The following CCDC150 variants were observed in gnomAD, a reference collection of about 807,000 sequenced individuals.
CCDC150 encodes the protein coiled-coil domain containing 150.
CCDC150 carries 151 observed loss-of-function variants against 156.5 expected under a neutral mutation model. The ratio of observed to expected loss-of-function variants is 0.97; its 90% CI spans 0.85 to 1.10. The LOEUF (loss-of-function observed/expected upper bound fraction) is 1.10, where lower values mean the gene tolerates loss of function less well. Ranked by LOEUF, CCDC150 falls within the 50% of genes least tolerant of loss-of-function variation. The pLI is 0.00. For synonymous variants in CCDC150, 452 were observed against 429.4 expected (o/e 1.05, Z -0.65); for missense variants, 1,312 against 1,268.1 (o/e 1.03, Z -0.53).
rs548991866 is a variant in CCDC150 at position 196,692,176 on chromosome 2, G to A, written c.1510-2870G>A. ...GGAGTCTCGCTCTGTCGCCCAGGCCGGACTGCGGACTGCAGTGGCGCAATC... is the reference window on the plus strand; with the variant it reads ...GGAGTCTCGCTCTGTCGCCCAGGCCAGACTGCGGACTGCAGTGGCGCAATC... On this transcript the variant is annotated intron_variant, in intron 13 of 27. Transcript: ENST00000389175. Among the ~76,000 whole-genome samples the A allele has an allele frequency of 6.7e-4, 97 of 143,884 alleles. 2 individuals are homozygous for A. The highest frequency in any genetic ancestry group is 2.4e-3 in the Admixed American group (34 of 14,434). The allele number at this position is 143,884 out of a possible 152,430, so 94.4% of individuals were successfully genotyped here. A position where few individuals can be genotyped will look rare whatever the true frequency, so the allele number is the denominator to read the frequency against.
chr2:196,720,206 C>T (rs1256698501), intron 19 of CCDC150: 1 of 355,544 alleles, frequency 2.8e-6, no homozygotes, highest in Non-Finnish European at 5.7e-6. Flanking sequence ...TTTAATAGGG[C>T]ATATTGCCTC....
intron 15 of CCDC150, among the ~76,000 whole-genome samples, chr2:196,703,923 T>C (rs972359244): frequency 3.3e-5 from 5 of 152,342 alleles, no homozygotes; most frequent in African/African-American, 1.2e-4. Flanking sequence ...AGAAACACTT[T>C]TTGAACTATT....
chr2:196,653,663 T>C (rs1362274080), intron 2 of CCDC150, among the ~76,000 whole-genome samples: 1 of 152,220 alleles, frequency 6.6e-6, no homozygotes, highest in Non-Finnish European at 1.5e-5. Flanking sequence ...AGTTCCACTT[T>C]CCCTCGTTTT....
At chr2:196,689,221 G>C (rs953833673) in intron 13 of CCDC150, among the ~76,000 whole-genome samples, 1 of 152,096 alleles carries the variant, frequency 6.6e-6, no homozygotes, top group East Asian at 1.9e-4. Context: ...TTGACTTGGC[G>C]ATGTGGGCTC....
chr2:196,710,801 T>C (rs1697057934), intron 15 of CCDC150, among the ~76,000 whole-genome samples: 1 of 152,196 alleles, frequency 6.6e-6, no homozygotes, highest in African/African-American at 2.4e-5. Context: ...GCAAAATAGT[T>C]AACTGTAGGA....
chr2:196,712,407 A>C, intron 16 of CCDC150, 155 bp downstream of exon 16: 1 of 572,758 alleles, frequency 1.7e-6, no homozygotes, highest in Non-Finnish European at 3.1e-6. Flanking sequence ...CACCTAGTAC[A>C]TACAAGGTTC....
intron 2 of CCDC150, among the ~76,000 whole-genome samples, chr2:196,652,109 A>T (rs1692913480): frequency 1.3e-5 from 2 of 152,188 alleles, no homozygotes; most frequent in African/African-American, 4.8e-5. Flanking sequence ...TGGAGATCAC[A>T]TTTCAACATG....
At chr2:196,640,468 T>C (rs1353296010) in intron 1 of CCDC150, among the ~76,000 whole-genome samples, 1 of 152,204 alleles carries the variant, frequency 6.6e-6, no homozygotes, top group Non-Finnish European at 1.5e-5. Flanking sequence ...TTTCTTGAGC[T>C]CTTCAGAAAT....
intron 4 of CCDC150, among the ~76,000 whole-genome samples, chr2:196,657,969 G>A (rs1167411604): frequency 6.6e-6 from 1 of 152,110 alleles, no homozygotes; most frequent in Non-Finnish European, 1.5e-5. Flanking sequence ...ATTTGTTTGT[G>A]GGAAATAAGT....
In CCDC150 at chr2:196,730,840, C is replaced by G; in HGVS notation, c.2983-19C>G. ...TGGTATGTTGGAAGTTTATAAAAATCTTTGTATCACATTTTCAGGAATTGG... is the reference window on the plus strand; with the variant it reads ...TGGTATGTTGGAAGTTTATAAAAATGTTTGTATCACATTTTCAGGAATTGG... On this transcript the variant is annotated intron_variant, in intron 25 of 27. Transcript: ENST00000389175. 6.4e-7 allele frequency: 1 copy of G among 1,557,746 alleles called. No homozygotes were observed. Among genetic ancestry groups the G allele is most frequent in the African/African-American group, 1.4e-5 (1 of 73,650 alleles).
intron 13 of CCDC150, among the ~76,000 whole-genome samples, chr2:196,682,380 G>T (rs552607181): frequency 4.6e-5 from 7 of 151,640 alleles, no homozygotes; most frequent in African/African-American, 1.7e-4. Context: ...AAGTTTTGAC[G>T]TCTAAATGTG....
chr2:196,706,543 T>C (rs1300496169), intron 15 of CCDC150, among the ~76,000 whole-genome samples: 2 of 152,236 alleles, frequency 1.3e-5, no homozygotes, highest in Admixed American at 6.5e-5. Context: ...GAACTTACAA[T>C]ACTATGTTGA....
At position 196,702,343 on chromosome 2, in the gene CCDC150, C is replaced by CTGTGTGTGTGTGTGTG. The variant is rs3220631; in HGVS notation, c.1695+1182_1695+1197dup. On this transcript the variant is annotated intron_variant, in intron 15 of 27. Coordinates refer to ENST00000389175, the MANE Select transcript of CCDC150 (RefSeq NM_001080539.2). ...AGGGGATAGTTCCTTGACTGAAGTG[C>CTGTGTGTGTGTGTGTG]TGTGTGTGTGTGTGTGTGTGTGTGT... Among the ~76,000 whole-genome samples, 445 of 143,774 alleles carry CTGTGTGTGTGTGTGTG rather than the reference C, an allele frequency of 3.1e-3. 1 individual carries two copies. The highest frequency in any genetic ancestry group is 4.7e-3 in the East Asian group (22 of 4,664). The allele number at this position is 143,774 out of a possible 152,430, so 94.3% of individuals were successfully genotyped here.
intron 13 of CCDC150, among the ~76,000 whole-genome samples, chr2:196,688,061 G>A (rs538802859): frequency 1.1e-4 from 17 of 152,174 alleles, no homozygotes; most frequent in African/African-American, 4.1e-4. Context: ...TGTTCTTTTT[G>A]CTTAGGATTT....
chr2:196,649,277 T>G (rs1692736574), intron 2 of CCDC150, among the ~76,000 whole-genome samples: 1 of 152,206 alleles, frequency 6.6e-6, no homozygotes, highest in Non-Finnish European at 1.5e-5. Flanking sequence ...CTGGGATATC[T>G]TTCAGTTTAC....
chr2:196,684,906 C>T (rs115203700), intron 13 of CCDC150, among the ~76,000 whole-genome samples: 2,367 of 152,002 alleles, frequency 0.016, 34 homozygotes, highest in Middle Eastern at 0.048. Context: ...TATTTTTCAT[C>T]CTTTTGCTTT....
At chr2:196,716,217 G>T (rs1040994918) in intron 17 of CCDC150, among the ~76,000 whole-genome samples, 2 of 152,142 alleles carry the variant, frequency 1.3e-5, no homozygotes, top group Non-Finnish European at 2.9e-5. Context: ...CTTTAAAAGC[G>T]AAACATACTA....
intron 1 of CCDC150, among the ~76,000 whole-genome samples, chr2:196,641,440 T>A (rs1282506173): frequency 6.6e-6 from 1 of 152,220 alleles, no homozygotes; most frequent in East Asian, 1.9e-4. Flanking sequence ...CTTTCTGCCC[T>A]CTGATATCTA....
intron 12 of CCDC150, 61 bp downstream of exon 12, chr2:196,676,792 A>T (rs1461573181): frequency 1.4e-6 from 2 of 1,392,172 alleles, no homozygotes; most frequent in East Asian, 4.6e-5. Context: ...TTAAAATTGC[A>T]TTCTAAATGC....
Sources: allele counts gnomAD v4.1 joint callset (sites outside exome capture counted in the v4.1 genomes callset), GRCh38; gene constraint gnomAD v4.1.1; transcripts MANE v1.5; gene names NCBI Gene and HGNC (gene_info 2026-07-23, HGNC 2026-07-21).